The following PSD3 variants were observed in gnomAD, a reference collection of about 807,000 sequenced individuals.
The protein encoded by PSD3 is pleckstrin and Sec7 domain containing 3, also known as PH and SEC7 domain-containing protein 3.
Under a neutral mutation model 105.5 loss-of-function variants are expected in PSD3, and 49 were observed. The ratio of observed to expected loss-of-function variants is 0.46; its 90% CI spans 0.37 to 0.59. The LOEUF (loss-of-function observed/expected upper bound fraction) is 0.59, where lower values mean the gene tolerates loss of function less well. Ranked by LOEUF, PSD3 falls within the 20% of genes least tolerant of loss-of-function variation. PSD3 has a pLI of 0.00. For synonymous variants in PSD3, 557 were observed against 457.8 expected, an observed-to-expected ratio of 1.22 and a Z score of -2.77; for missense variants, 1,561 against 1,263.8, an observed-to-expected ratio of 1.24 and a Z score of -3.57.
chr8:18,616,772 C>A (rs910659536), intron 11 of PSD3, among the ~76,000 whole-genome samples: 11 of 150,624 alleles, frequency 7.3e-5, no homozygotes, highest in South Asian at 2.1e-4. Context: ...TACAGGCGCC[C>A]GCCACCACGC....
In PSD3 at chr8:18,902,706, G is replaced by T. The variant is rs145003005; in HGVS notation, c.131-29973C>A. On this transcript the variant is annotated intron_variant, in intron 2 of 15. Coordinates refer to ENST00000327040, the MANE Select transcript of PSD3 (RefSeq NM_015310.4). ...CAGTAGGGTTTTACTGTGCTGGTTG[G>T]AAAGAATGTGGTAACTGTTTCCAGA... Among the ~76,000 whole-genome samples, 10 of 152,304 alleles carry T rather than the reference G, an allele frequency of 6.6e-5. No homozygotes were observed. In the East Asian group the frequency reaches 1.9e-3, roughly 29 times the overall value.
intron 1 of PSD3, among the ~76,000 whole-genome samples, chr8:19,040,650 A>G (rs1369089798): frequency 6.6e-6 from 1 of 152,202 alleles, no homozygotes; most frequent in East Asian, 1.9e-4. Context: ...TGACAGCAGG[A>G]AGACTGCTTA....
chr8:18,948,441 A>T (rs1308549032), intron 1 of PSD3, among the ~76,000 whole-genome samples: 1 of 152,182 alleles, frequency 6.6e-6, no homozygotes, highest in Admixed American at 6.5e-5. Context: ...CAGGATCCCT[A>T]TGAGGAAATC....
intron 1 of PSD3, among the ~76,000 whole-genome samples, chr8:19,004,399 T>C (rs1437262904): frequency 1.3e-5 from 2 of 152,044 alleles, no homozygotes; most frequent in Non-Finnish European, 2.9e-5. Flanking sequence ...CTTTGGAAAA[T>C]ACGTGAGGGC....
At chr8:18,567,187 G>A (rs1259231164) in intron 14 of PSD3, among the ~76,000 whole-genome samples, 1 of 152,038 alleles carries the variant, frequency 6.6e-6, no homozygotes, top group African/African-American at 2.4e-5. Flanking sequence ...AGAACTGAAT[G>A]TGAGAAAGAC....
chr8:18,825,454 T>C (rs1813097305), intron 4 of PSD3, among the ~76,000 whole-genome samples: 1 of 152,192 alleles, frequency 6.6e-6, no homozygotes, highest in Admixed American at 6.5e-5. Flanking sequence ...GCATTCAGTG[T>C]CCACTGGCTA....
At chr8:18,752,534 ATATT>A (rs1191829594) in intron 9 of PSD3, among the ~76,000 whole-genome samples, 1 of 21,516 alleles carries the variant, frequency 4.6e-5, no homozygotes, top group African/African-American at 2.4e-4. Context: ...ATATAATTAT[ATATT>A]ATATATATTA....
chr8:18,858,758 G>GT (rs1315743729), intron 4 of PSD3, among the ~76,000 whole-genome samples: 1 of 152,138 alleles, frequency 6.6e-6, no homozygotes, highest in Non-Finnish European at 1.5e-5. Context: ...TCATGACACT[G>GT]TAGCAATTCA....
At chr8:18,727,143 T>G (rs927385380) in intron 9 of PSD3, among the ~76,000 whole-genome samples, 2 of 151,738 alleles carry the variant, frequency 1.3e-5, no homozygotes, top group Non-Finnish European at 2.9e-5. Context: ...CAAGACCAGC[T>G]TGGCCAACAT....
intron 1 of PSD3, among the ~76,000 whole-genome samples, chr8:19,036,703 C>T (rs754732120): frequency 5.3e-5 from 8 of 152,142 alleles, no homozygotes; most frequent in Non-Finnish European, 1.0e-4. Flanking sequence ...GCTATCCTCA[C>T]TTAGACCAGA....
intron 4 of PSD3, among the ~76,000 whole-genome samples, chr8:18,855,378 C>T (rs1444135515): frequency 4.6e-5 from 7 of 152,104 alleles, no homozygotes; most frequent in African/African-American, 9.7e-5. Context: ...GTGCACATCG[C>T]CATGCTGTTT....
At chr8:18,585,231 G>A (rs149303219) in intron 12 of PSD3, among the ~76,000 whole-genome samples, 100 of 152,294 alleles carry the variant, frequency 6.6e-4, no homozygotes, top group African/African-American at 2.3e-3. Context: ...TGGTTGAGAA[G>A]GCCTAACTCT....
chr8:18,809,630 A>T (rs1393272843), intron 4 of PSD3, among the ~76,000 whole-genome samples: 5 of 152,190 alleles, frequency 3.3e-5, no homozygotes, highest in Non-Finnish European at 5.9e-5. Context: ...TAGGCATCTT[A>T]TATTTTATCT....
At chr8:18,622,400 G>A (rs1374241596) in intron 11 of PSD3, among the ~76,000 whole-genome samples, 1 of 152,166 alleles carries the variant, frequency 6.6e-6, no homozygotes, top group Non-Finnish European at 1.5e-5. Context: ...CTACCACTGT[G>A]TCATAATAGG....
intron 6 of PSD3, among the ~76,000 whole-genome samples, chr8:18,801,673 T>C (rs556062333): frequency 6.6e-6 from 1 of 151,952 alleles, no homozygotes; most frequent in South Asian, 2.1e-4. Context: ...CTACTAAAAA[T>C]ACAAAAATTA....
intron 9 of PSD3, among the ~76,000 whole-genome samples, chr8:18,754,115 G>A (rs1171439521): frequency 6.6e-6 from 1 of 152,150 alleles, no homozygotes; most frequent in African/African-American, 2.4e-5. Context: ...CAGGTGCGGT[G>A]GCTCACGCCT....
At chr8:18,884,685 C>T (rs998180792) in intron 2 of PSD3, among the ~76,000 whole-genome samples, 7 of 151,786 alleles carry the variant, frequency 4.6e-5, no homozygotes, top group South Asian at 2.1e-4. Flanking sequence ...CGTGTGCACA[C>T]GAACAGAAAA....
At chr8:18,926,290 T>C (rs1821356975) in intron 2 of PSD3, among the ~76,000 whole-genome samples, 3 of 151,850 alleles carry the variant, frequency 2.0e-5, no homozygotes, top group African/African-American at 7.2e-5. Flanking sequence ...ACATGAACTT[T>C]CTTTCATGCA....
chr8:18,641,770 C>A (rs1279249093), intron 10 of PSD3, among the ~76,000 whole-genome samples: 1 of 152,114 alleles, frequency 6.6e-6, no homozygotes, highest in Non-Finnish European at 1.5e-5. Flanking sequence ...ATACTGTGAT[C>A]AGATGATTGC....
Sources: allele counts gnomAD v4.1 joint callset (sites outside exome capture counted in the v4.1 genomes callset), GRCh38; gene constraint gnomAD v4.1.1; transcripts MANE v1.5; gene names NCBI Gene and HGNC (gene_info 2026-07-23, HGNC 2026-07-21).